CACNG5: variants seen among roughly 807,000 people sequenced by gnomAD.
CACNG5 encodes calcium voltage-gated channel auxiliary subunit gamma 5.
A neutral mutation model predicts 24.8 loss-of-function variants in CACNG5; 18 were observed. The ratio of observed to expected loss-of-function variants is 0.73; its 90% CI spans 0.50 to 1.08. CACNG5 has a LOEUF of 1.08. Ranked by LOEUF, CACNG5 falls within the 50% of genes least tolerant of loss-of-function variation. CACNG5 has a pLI of 0.00. For synonymous variants in CACNG5, 157 were observed against 149.1 expected (o/e 1.05, Z -0.39); for missense variants, 349 against 367.9 (o/e 0.95, Z 0.42).
rs145744203 is a variant in CACNG5, at chr17:66,877,586, G to T, written c.196+58G>T. On this transcript the variant is annotated intron_variant, in intron 2 of 5. Coordinates refer to ENST00000533854, the MANE Select transcript of CACNG5 (RefSeq NM_145811.3). ...CCCCTGACATCACCTGCCCCAAGAG[G>T]TCCCTCCCTGGGAAGAGATGGCCAA... 8.9e-6 allele frequency: 13 copies of T among 1,452,772 alleles called. No individual in the cohort carries two copies. The African/African-American group carries it at 1.5e-4, about 17-fold the overall frequency. 90.0% of individuals were successfully genotyped at this position (1,452,772 alleles called of 1,614,324 possible). A position where few individuals can be genotyped will look rare whatever the true frequency, so the allele number is the denominator to read the frequency against.
At chr17:66,861,903 G>A (rs1314844461) in intron 1 of CACNG5, among the ~76,000 whole-genome samples, 1 of 152,224 alleles carries the variant, frequency 6.6e-6, no homozygotes, top group Non-Finnish European at 1.5e-5. Context: ...GAAGAAGAAA[G>A]CATGCAATCC....
At chr17:66,878,593 C>A (rs1295931790) in intron 2 of CACNG5, among the ~76,000 whole-genome samples, 1 of 152,172 alleles carries the variant, frequency 6.6e-6, no homozygotes, top group Non-Finnish European at 1.5e-5. Flanking sequence ...GAGTTTTGCT[C>A]CATGACACCC....
At position 66,886,570 on chromosome 17, in the gene CACNG5, G is replaced by A. The variant is rs1455171162; in HGVS notation, c.*1330G>A. 1.3e-5 allele frequency among the ~76,000 whole-genome samples: 2 copies of A among 152,166 alleles called. No homozygotes were observed. The highest frequency in any genetic ancestry group is 2.9e-5 in the Non-Finnish European group (2 of 68,026). ...GTTTTTGGTTTTGAGATTTTGAGTA[G>A]CAAAGCAATGCTGTGTGTCGCTGCT... On this transcript the variant is annotated 3_prime_UTR_variant, in exon 6 of 6. Coordinates refer to ENST00000533854, the MANE Select transcript of CACNG5 (RefSeq NM_145811.3).
intron 4 of CACNG5, among the ~76,000 whole-genome samples, chr17:66,882,089 G>A (rs1977166188): frequency 6.6e-6 from 1 of 152,192 alleles, no homozygotes. Flanking sequence ...GACTAGGCAA[G>A]AGGCTATTCC....
chr17:66,859,740 A>G (rs1598051917), intron 1 of CACNG5, among the ~76,000 whole-genome samples: 1 of 151,994 alleles, frequency 6.6e-6, no homozygotes, highest in African/African-American at 2.4e-5. Flanking sequence ...CAGAAATACT[A>G]GCTCTAATCA....
At chr17:66,840,874 C>G (rs1046488229) in intron 1 of CACNG5, among the ~76,000 whole-genome samples, 14 of 152,080 alleles carry the variant, frequency 9.2e-5, no homozygotes, top group Non-Finnish European at 1.8e-4. Flanking sequence ...GTGTGTTTGC[C>G]CTGTTTGATC....
intron 1 of CACNG5, among the ~76,000 whole-genome samples, chr17:66,840,950 T>C (rs547529138): frequency 1.4e-4 from 22 of 152,312 alleles, no homozygotes; most frequent in African/African-American, 3.6e-4. Context: ...GATGATGGGA[T>C]GTCACAGCCA....
At chr17:66,849,961 A>G (rs186968363) in intron 1 of CACNG5, among the ~76,000 whole-genome samples, 12 of 151,640 alleles carry the variant, frequency 7.9e-5, no homozygotes, top group Admixed American at 2.6e-4. Flanking sequence ...AAATTAAATA[A>G]TTAAGGAAGA....
At chr17:66,870,906 G>C (rs1195744615) in intron 1 of CACNG5, among the ~76,000 whole-genome samples, 2 of 151,976 alleles carry the variant, frequency 1.3e-5, no homozygotes, top group African/African-American at 2.4e-5. Flanking sequence ...CTTGAACCTG[G>C]GAGGCAGAGT....
intron 1 of CACNG5, among the ~76,000 whole-genome samples, chr17:66,847,556 A>T (rs1976653631): frequency 1.2e-5 from 1 of 85,672 alleles, no homozygotes; most frequent in South Asian, 5.6e-4. Context: ...CACCCCCATG[A>T]CTCAACTACC....
intron 1 of CACNG5, among the ~76,000 whole-genome samples, chr17:66,849,904 C>T (rs553461143): frequency 1.7e-4 from 26 of 152,224 alleles, no homozygotes; most frequent in African/African-American, 5.8e-4. Context: ...GATCTTTTTG[C>T]GGTCAAGTGG....
At chr17:66,876,728 G>T (rs75620918) in intron 1 of CACNG5, among the ~76,000 whole-genome samples, 5,936 of 152,200 alleles carry the variant, frequency 0.039, 170 homozygotes, top group East Asian at 0.12. Flanking sequence ...CCATTTTCCT[G>T]TCTGGAGCTG....
chr17:66,878,896 G>A, intron 2 of CACNG5, 76 bp from the exon 3 acceptor site: 1 of 1,230,212 alleles, frequency 8.1e-7, no homozygotes, highest in South Asian at 1.3e-5. Flanking sequence ...AAACACACTT[G>A]GAAATACCAT....
intron 1 of CACNG5, among the ~76,000 whole-genome samples, chr17:66,845,615 G>A (rs1158240032): frequency 6.6e-6 from 1 of 152,050 alleles, no homozygotes; most frequent in East Asian, 1.9e-4. Context: ...ACCTCCATCA[G>A]CCAACTTGCC....
chr17:66,846,334 CATTCTCTAGTTTCAGA>C (rs1429863829), intron 1 of CACNG5, among the ~76,000 whole-genome samples: 2 of 152,202 alleles, frequency 1.3e-5, no homozygotes, highest in African/African-American at 4.8e-5. Flanking sequence ...CAACTCTCAG[CATTCTCTAGTTTCAGA>C]ATATTTTCAT....
chr17:66,851,530 A>C (rs148262956), intron 1 of CACNG5, among the ~76,000 whole-genome samples: 1 of 152,222 alleles, frequency 6.6e-6, no homozygotes, highest in African/African-American at 2.4e-5. Context: ...AAAAGTCTAT[A>C]AAATAAATCC....
Position 66,892,908 on chromosome 17 carries a change from A to G in CACNG5, c.*7668A>G, listed in dbSNP as rs1198902996. ...CCCAAGAATGGATTCACCATCTTCA[A>G]CCCAGGCACAGTCTCTTGCAAATGT... On this transcript the variant is annotated 3_prime_UTR_variant, in exon 6 of 6. Coordinates refer to ENST00000533854, the MANE Select transcript of CACNG5 (RefSeq NM_145811.3). Among the ~76,000 whole-genome samples, 1 of 152,162 alleles carries G rather than the reference A, an allele frequency of 6.6e-6. No individual in the cohort carries two copies. Among genetic ancestry groups the G allele is most frequent in the Admixed American group, 6.5e-5 (1 of 15,282 alleles).
rs1445228388 is a variant in CACNG5 at position 66,893,082 on chromosome 17, A to T, written c.*7842A>T. Among the ~76,000 whole-genome samples, 2 of 152,210 alleles carry T rather than the reference A, an allele frequency of 1.3e-5. No homozygotes were observed. Among genetic ancestry groups the T allele is most frequent in the East Asian group, 3.9e-4 (2 of 5,194 alleles). ...TCTCATGTAACCCTTTCCATCCTGT[A>T]CGTAGAATACTGAGACCTAAAGAAG... On this transcript the variant is annotated 3_prime_UTR_variant, in exon 6 of 6. Transcript: ENST00000533854.
At chr17:66,858,763 C>G (rs959750832) in intron 1 of CACNG5, among the ~76,000 whole-genome samples, 3 of 149,784 alleles carry the variant, frequency 2.0e-5, no homozygotes, top group Admixed American at 1.3e-4. Context: ...CAGTGGTGTC[C>G]CTCCCCAGGC....
Sources: allele counts gnomAD v4.1 joint callset (sites outside exome capture counted in the v4.1 genomes callset), GRCh38; gene constraint gnomAD v4.1.1; transcripts MANE v1.5; gene names NCBI Gene and HGNC (gene_info 2026-07-23, HGNC 2026-07-21).